WDR70: variants seen among roughly 807,000 people sequenced by gnomAD.
WDR70 encodes WD repeat domain 70, also known as WD repeat-containing protein 70.
Under a neutral mutation model 88.6 loss-of-function variants are expected in WDR70, and 53 were observed. That is an observed-to-expected ratio of 0.60 (90% CI 0.48 to 0.75). The LOEUF is 0.75. WDR70 is among the 30% of genes least tolerant of loss of function. The pLI, the probability that WDR70 is intolerant of heterozygous loss-of-function variation, is 0.00. For synonymous variants in WDR70, 280 were observed against 270.0 expected (o/e 1.04, Z -0.36); for missense variants, 610 against 823.2 (o/e 0.74, Z 3.17).
At chr5:37,544,802 A>G (rs1047384238) in intron 9 of WDR70, among the ~76,000 whole-genome samples, 1 of 152,204 alleles carries the variant, frequency 6.6e-6, no homozygotes, top group South Asian at 2.1e-4. Flanking sequence ...CTTGATGAGC[A>G]TCTGTTATAT....
In WDR70 at chr5:37,545,431, AT is replaced by A. The variant is rs529385084; in HGVS notation, c.917+28848del. Among the ~76,000 whole-genome samples, 885 of 151,936 alleles carry A rather than the reference AT, an allele frequency of 5.8e-3. 5 individuals are homozygous for A. Among genetic ancestry groups the A allele is most frequent in the South Asian group, 0.012 (57 of 4,818 alleles). ...AGCTTGTAACTAATTTAATTATTTG[AT>A]TTTTTTAATTTAAGTTATTCTTTAA... On this transcript the variant is annotated intron_variant, in intron 9 of 17. Transcript: ENST00000265107.
intron 13 of WDR70, among the ~76,000 whole-genome samples, chr5:37,711,569 C>A (rs1263553563): frequency 6.6e-6 from 1 of 152,148 alleles, no homozygotes; most frequent in Non-Finnish European, 1.5e-5. Flanking sequence ...AGTTACTGTT[C>A]AGTCTTGTCT....
chr5:37,477,618 C>G (rs914760473), intron 7 of WDR70, among the ~76,000 whole-genome samples: 2 of 152,154 alleles, frequency 1.3e-5, no homozygotes, highest in African/African-American at 4.8e-5. Flanking sequence ...CAGTCACAGC[C>G]AAACTGGCCA....
intron 9 of WDR70, among the ~76,000 whole-genome samples, chr5:37,563,688 G>A (rs1181414403): frequency 4.8e-5 from 6 of 123,712 alleles, no homozygotes; most frequent in African/African-American, 1.3e-4. Flanking sequence ...CGGACGGGGC[G>A]GCTGGCCGGG....
At chr5:37,546,541 T>C (rs1331468574) in intron 9 of WDR70, among the ~76,000 whole-genome samples, 1 of 152,244 alleles carries the variant, frequency 6.6e-6, no homozygotes, top group African/African-American at 2.4e-5. Flanking sequence ...TTTTCTTTTT[T>C]ATCCTGAAAT....
At chr5:37,398,575 G>C (rs910630337) in intron 5 of WDR70, among the ~76,000 whole-genome samples, 2 of 152,044 alleles carry the variant, frequency 1.3e-5, no homozygotes, top group Admixed American at 1.3e-4. Flanking sequence ...GTCAATTTGC[G>C]TCTGTCTGTA....
At chr5:37,611,408 T>C (rs114107034) in intron 10 of WDR70, among the ~76,000 whole-genome samples, 3 of 152,258 alleles carry the variant, frequency 2.0e-5, no homozygotes, top group Non-Finnish European at 4.4e-5. Flanking sequence ...TGTACTAAGC[T>C]AGATTGTTAG....
At position 37,483,156 on chromosome 5, in the gene WDR70, A is replaced by T. The variant is rs1321212094; in HGVS notation, c.840+3169A>T. On this transcript the variant is annotated intron_variant, in intron 8 of 17. Transcript: ENST00000265107. ...TCTTGGGTGTTTCTCGCAGAGGGGG[A>T]TTTGGCAGGGTCACAGGACAATAGT... 1.8e-4 allele frequency among the ~76,000 whole-genome samples: 18 copies of T among 102,760 alleles called. No individual in the cohort carries two copies. In the East Asian group the frequency reaches 3.6e-3, roughly 20 times the overall value. 67.4% of individuals were successfully genotyped at this position (102,760 alleles called of 152,430 possible). A position where few individuals can be genotyped will look rare whatever the true frequency, so the allele number is the denominator to read the frequency against.
At chr5:37,521,522 A>G (rs942861676) in intron 9 of WDR70, among the ~76,000 whole-genome samples, 2 of 152,052 alleles carry the variant, frequency 1.3e-5, no homozygotes, top group Admixed American at 6.6e-5. Context: ...CCAAAGTCCA[A>G]TGTATCATTC....
At chr5:37,704,084 G>T (rs888519973) in intron 13 of WDR70, among the ~76,000 whole-genome samples, 1 of 152,134 alleles carries the variant, frequency 6.6e-6, no homozygotes, top group East Asian at 1.9e-4. Flanking sequence ...TAAAACCACG[G>T]TATAGAGTAT....
At chr5:37,726,732 C>T in intron 16 of WDR70, 151 bp from the exon 17 acceptor site, 2 of 772,228 alleles carry the variant, frequency 2.6e-6, no homozygotes, top group Admixed American at 4.3e-5. Flanking sequence ...TTGGTGATCT[C>T]TTTGGTTCTG....
chr5:37,471,982 G>A (rs1442392497), intron 7 of WDR70, among the ~76,000 whole-genome samples: 4 of 151,752 alleles, frequency 2.6e-5, no homozygotes, highest in Admixed American at 2.6e-4. Flanking sequence ...CCTAATGTCA[G>A]AGGGAAGGTT....
At chr5:37,426,313 G>A (rs1476026829) in intron 5 of WDR70, among the ~76,000 whole-genome samples, 3 of 152,196 alleles carry the variant, frequency 2.0e-5, no homozygotes, top group Non-Finnish European at 4.4e-5. Flanking sequence ...TTAACTTTAA[G>A]CAGTAATTCA....
At chr5:37,583,406 G>A (rs533923343) in intron 9 of WDR70, among the ~76,000 whole-genome samples, 106 of 145,828 alleles carry the variant, frequency 7.3e-4, no homozygotes, top group Admixed American at 1.2e-3. Context: ...GGGTGACAGA[G>A]CAAGACTCTG....
chr5:37,437,868 T>C, intron 5 of WDR70, 54 bp from the exon 6 acceptor site: 1 of 1,526,568 alleles, frequency 6.6e-7, no homozygotes, highest in Non-Finnish European at 9.0e-7. Context: ...TGTTGTGTAG[T>C]TCCCCACAAA....
chr5:37,441,234 C>T (rs1310933846), intron 6 of WDR70, among the ~76,000 whole-genome samples: 1 of 152,150 alleles, frequency 6.6e-6, no homozygotes, highest in Middle Eastern at 3.2e-3. Context: ...TTTAAAACTA[C>T]TATTCATTTA....
At chr5:37,734,305 A>C (rs2112719192) in intron 17 of WDR70, among the ~76,000 whole-genome samples, 1 of 152,256 alleles carries the variant, frequency 6.6e-6, no homozygotes, top group South Asian at 2.1e-4. Flanking sequence ...AAAAAATCAA[A>C]TATCAGCAGT....
chr5:37,478,490 T>C (rs1739556029), intron 7 of WDR70, among the ~76,000 whole-genome samples: 1 of 152,218 alleles, frequency 6.6e-6, no homozygotes, highest in Non-Finnish European at 1.5e-5. Context: ...AAACACACTT[T>C]GAAATGTCTG....
At chr5:37,495,606 T>C (rs1026455036) in intron 8 of WDR70, among the ~76,000 whole-genome samples, 1 of 152,216 alleles carries the variant, frequency 6.6e-6, no homozygotes, top group Admixed American at 6.5e-5. Context: ...CTAGGCTATT[T>C]CCAGTTAAGG....
Sources: gnomAD v4.1 joint callset for allele counts (sites outside exome capture counted in the v4.1 genomes callset) on GRCh38, gnomAD v4.1.1 for gene constraint, MANE v1.5 for transcripts, NCBI Gene and HGNC (gene_info 2026-07-23, HGNC 2026-07-21) for gene names.